The following KIF1B variants were observed in gnomAD, a reference collection of about 807,000 sequenced individuals.
KIF1B encodes the protein kinesin-like protein KIF1B.
KIF1B carries 76 observed loss-of-function variants against 241.9 expected under a neutral mutation model. The observed-to-expected ratio is 0.31, with a 90% confidence interval of 0.26 to 0.38. KIF1B has a LOEUF of 0.38. Ranked by LOEUF, KIF1B falls within the 10% of genes least tolerant of loss-of-function variation. The probability of loss-of-function intolerance (pLI) is 1.00; values close to 1 mark genes in which losing one functional copy is unlikely to be tolerated. For synonymous variants in KIF1B, 750 were observed against 796.7 expected, an observed-to-expected ratio of 0.94 and a Z score of 0.99; for missense variants, 1,622 against 2,271.4, an observed-to-expected ratio of 0.71 and a Z score of 5.81.
At chr1:10,310,031 C>T (rs1283966626) in intron 22 of KIF1B, among the ~76,000 whole-genome samples, 1 of 151,522 alleles carries the variant, frequency 6.6e-6, no homozygotes, top group Non-Finnish European at 1.5e-5. Context: ...CCCAGCCCAC[C>T]ACAAGTTGAC....
Position 10,297,255 on chromosome 1 carries a change from C to A in KIF1B, c.2115+9C>A. ...TGGAGCAGCAGAGACTGGTAGGAGTCCTGAATCTGCTAAACTGTTGGGAAA... is the reference window on the plus strand; with the variant it reads ...TGGAGCAGCAGAGACTGGTAGGAGTACTGAATCTGCTAAACTGTTGGGAAA... On this transcript the variant is annotated intron_variant, in intron 22 of 48. Coordinates refer to ENST00000676179, the MANE Select transcript of KIF1B (RefSeq NM_001365951.3). 1 of 1,610,600 alleles carries A rather than the reference C, an allele frequency of 6.2e-7. No homozygotes were observed. The highest frequency in any genetic ancestry group is 8.5e-7 in the Non-Finnish European group (1 of 1,177,990).
At chr1:10,255,911 T>G (rs1271784352) in intron 2 of KIF1B, among the ~76,000 whole-genome samples, 1 of 151,480 alleles carries the variant, frequency 6.6e-6, no homozygotes, top group African/African-American at 2.4e-5. Context: ...GACCTCAGCT[T>G]CCTAAGTAGC....
At position 10,305,335 on chromosome 1, in the gene KIF1B, T is replaced by A. The variant is rs527671576; in HGVS notation, c.2115+8089T>A. 5 of 1,048,868 alleles carry A rather than the reference T, an allele frequency of 4.8e-6. No homozygotes were observed. In the African/African-American group the frequency reaches 8.3e-5, roughly 17 times the overall value. The allele number at this position is 1,048,868 out of a possible 1,614,324, so 65.0% of individuals were successfully genotyped here. The stretch of plus-strand genomic sequence containing the variant: ...CAGAATATGTATGAAATTTGTCATA[T>A]CAGAATCTATAAATTGGCACTGTGT... On this transcript the variant is annotated intron_variant, in intron 22 of 48. Transcript: ENST00000676179.
intron 2 of KIF1B, among the ~76,000 whole-genome samples, chr1:10,255,348 G>A (rs1034936931): frequency 1.3e-5 from 2 of 152,098 alleles, no homozygotes; most frequent in African/African-American, 4.8e-5. Flanking sequence ...CCAGCAGTTA[G>A]GGAGGCGGAG....
In KIF1B at chr1:10,322,973, G is replaced by A. The variant is rs776077368; in HGVS notation, c.2359-911G>A. On this transcript the variant is annotated intron_variant, in intron 24 of 48. Coordinates refer to ENST00000676179, the MANE Select transcript of KIF1B (RefSeq NM_001365951.3). ...TTATGAGATAGGATCTGGCTCTGTC[G>A]CCCAGGCTGGAGTACAGTGGCGCAA... is the stretch of plus-strand genomic sequence containing the variant. 2.6e-5 allele frequency among the ~76,000 whole-genome samples: 4 copies of A among 151,922 alleles called. No individual in the cohort carries two copies. In the South Asian group the frequency reaches 6.2e-4, roughly 24 times the overall value.
intron 10 of KIF1B, among the ~76,000 whole-genome samples, chr1:10,273,735 A>AAAAAAAAAAAC (rs1557680862): frequency 1.1e-5 from 1 of 87,498 alleles, no homozygotes; most frequent in African/African-American, 3.3e-5. Flanking sequence ...AAAAAAAAAA[A>AAAAAAAAAAAC]AAAACCCAAC....
intron 41 of KIF1B, among the ~76,000 whole-genome samples, chr1:10,364,681 A>G (rs565829517): frequency 2.0e-5 from 3 of 152,236 alleles, no homozygotes; most frequent in African/African-American, 7.2e-5. Context: ...ATATCTTCAG[A>G]CCAAACTGTC....
At chr1:10,298,779 A>G (rs916940161) in intron 22 of KIF1B, among the ~76,000 whole-genome samples, 3 of 152,128 alleles carry the variant, frequency 2.0e-5, no homozygotes, top group African/African-American at 7.2e-5. Flanking sequence ...ACATCCATCA[A>G]TTTATTTGAC....
intron 1 of KIF1B, among the ~76,000 whole-genome samples, chr1:10,212,320 A>G (rs576678828): frequency 5.1e-4 from 78 of 152,286 alleles, no homozygotes; most frequent in Non-Finnish European, 7.9e-4. Context: ...TTAAGTTGAT[A>G]TGGTTGCTGG....
chr1:10,278,081 G>A lies in KIF1B; in HGVS notation c.1133G>A (p.Arg378Gln), dbSNP rs750790168. ...CGTGAATTAAAGGAGGAGGTGACAC[G>A]GCTGAAGGACCTTCTTCGTGCTCAG... ...LVRELKEEVT[R>Q]LKDLLRAQGL... Residue 378 changes from arginine (R) to glutamine (Q), a missense_variant, in exon 13 of 49, where the codon CGG (arginine) becomes CAG (glutamine). Physicochemically the swap from Arg to Gln is conservative, Grantham distance 43. Transcript: ENST00000676179. 1.2e-5 allele frequency: 19 copies of A among 1,613,914 alleles called. No individual in the cohort carries two copies. Among genetic ancestry groups the A allele is most frequent in the Non-Finnish European group, 1.6e-5 (19 of 1,179,958 alleles).
intron 17 of KIF1B, among the ~76,000 whole-genome samples, chr1:10,293,203 A>G (rs1296225658): frequency 6.6e-6 from 1 of 151,790 alleles, no homozygotes; most frequent in Non-Finnish European, 1.5e-5. Flanking sequence ...ATATGTTTAT[A>G]TTATGAAAGG....
Position 10,321,900 on chromosome 1 carries a change from G to T in KIF1B, c.2358+43G>T, listed in dbSNP as rs199981305. The T allele has an allele frequency of 3.7e-5, 60 of 1,612,028 alleles. No individual in the cohort carries two copies. In the Middle Eastern group the frequency reaches 1.5e-3, roughly 40 times the overall value. On this transcript the variant is annotated intron_variant, in intron 24 of 48. Transcript: ENST00000676179. ...ACAGGAGAGCTGGAGGCAAAGCCGA[G>T]CCTGCTGTGGGTGCATCTGGGTTCT...
chr1:10,350,334 C>T (rs943503612), intron 37 of KIF1B, among the ~76,000 whole-genome samples: 1 of 151,558 alleles, frequency 6.6e-6, no homozygotes, highest in African/African-American at 2.4e-5. Context: ...CCAAGATGGG[C>T]GGATCACGAG....
At chr1:10,239,117 T>C (rs149321536) in intron 2 of KIF1B, among the ~76,000 whole-genome samples, 1 of 152,184 alleles carries the variant, frequency 6.6e-6, no homozygotes, top group Non-Finnish European at 1.5e-5. Context: ...CCTGGCTAAT[T>C]TTCGTATTTT....
intron 2 of KIF1B, among the ~76,000 whole-genome samples, chr1:10,241,225 C>T (rs1647132669): frequency 6.6e-6 from 1 of 151,960 alleles, no homozygotes; most frequent in Admixed American, 6.6e-5. Flanking sequence ...GATCCGCCTA[C>T]CTCACTCCCC....
chr1:10,378,496 C>T lies in KIF1B; in HGVS notation c.*1909C>T. 1.4e-6 allele frequency: 1 copy of T among 714,658 alleles called. No homozygotes were observed. The highest frequency in any genetic ancestry group is 2.6e-6 in the Non-Finnish European group (1 of 383,644). 44.3% of individuals were successfully genotyped at this position (714,658 alleles called of 1,614,324 possible). A position where few individuals can be genotyped will look rare whatever the true frequency, so the allele number is the denominator to read the frequency against. ...ATTGTTTTACACCATCCTTTACTTC[C>T]CTTGCTCAGACCTCTCTGTTTCACC... On this transcript the variant is annotated 3_prime_UTR_variant, in exon 49 of 49. Coordinates refer to ENST00000676179, the MANE Select transcript of KIF1B (RefSeq NM_001365951.3).
Position 10,374,828 on chromosome 1 carries a change from A to G in KIF1B, c.5097-26A>G, listed in dbSNP as rs769999251. 1 of 1,609,706 alleles carries G rather than the reference A, an allele frequency of 6.2e-7. No homozygotes were observed. On this transcript the variant is annotated intron_variant, in intron 46 of 48. Transcript: ENST00000676179. This position sits in a 1 kb window ranked among gnomAD's most constrained non-coding sequence, Gnocchi z 4.3. Reference sequence around the variant, plus strand: ...GATTATTTTCTTTTTGTGAGAAACTAACTTTTGTCATATTGTCGTTTTTAG... The same window carrying G: ...GATTATTTTCTTTTTGTGAGAAACTGACTTTTGTCATATTGTCGTTTTTAG...
At chr1:10,215,807 C>T (rs956194554) in intron 1 of KIF1B, among the ~76,000 whole-genome samples, 3 of 152,124 alleles carry the variant, frequency 2.0e-5, no homozygotes, top group African/African-American at 7.2e-5. Flanking sequence ...CCTCAGTCTT[C>T]CAAAGTGGGA....
intron 15 of KIF1B, among the ~76,000 whole-genome samples, chr1:10,284,255 GA>G (rs1281244022): frequency 6.6e-6 from 1 of 151,852 alleles, no homozygotes; most frequent in Non-Finnish European, 1.5e-5. Flanking sequence ...ACATGCTTTA[GA>G]AACAAAAATA....
Sources: gnomAD v4.1 joint callset for allele counts (sites outside exome capture counted in the v4.1 genomes callset) on GRCh38, gnomAD v4.1.1 for gene constraint, Gnocchi (gnomAD v3.1) non-coding constraint, MANE v1.5 for transcripts, NCBI Gene and HGNC (gene_info 2026-07-23, HGNC 2026-07-21) for gene names.